Variants in DMD observed in about 807,000 individuals in gnomAD.
DMD encodes mutant dystrophin.
Under a neutral mutation model 330.1 loss-of-function variants are expected in DMD, and 63 were observed. The observed-to-expected ratio is 0.19, with a 90% CI of 0.16 to 0.24. DMD has a LOEUF of 0.24. Among genes scored for constraint, DMD ranks in the 10% least tolerant of loss-of-function variants. The probability of loss-of-function intolerance (pLI) is 1.00; values close to 1 mark genes in which losing one functional copy is unlikely to be tolerated. For synonymous variants in DMD, 1,223 were observed against 959.8 expected (o/e 1.27, Z -5.07); for missense variants, 3,344 against 2,684.1 (o/e 1.25, Z -5.43).
chrX:31,995,997 G>A (rs2095583098), intron 44 of DMD, among the ~76,000 whole-genome samples: 2 of 112,002 alleles, frequency 1.8e-5, no homozygotes, highest in South Asian at 7.3e-4. Context: ...CTGAGAAATA[G>A]AGAAATACAT....
intron 74 of DMD, among the ~76,000 whole-genome samples, chrX:31,155,222 T>G (rs1276410288): frequency 8.9e-6 from 1 of 112,485 alleles, no homozygotes; most frequent in Non-Finnish European, 1.9e-5. Flanking sequence ...TACAACAATC[T>G]CTGTGTAATT....
intron 11 of DMD, among the ~76,000 whole-genome samples, chrX:32,620,340 A>G (rs1284281912): frequency 9.0e-6 from 1 of 111,711 alleles, no homozygotes; most frequent in Non-Finnish European, 1.9e-5. Flanking sequence ...ATAAAATATA[A>G]AAGATAATGG....
chrX:32,550,765 A>C (rs931445863), intron 16 of DMD, among the ~76,000 whole-genome samples: 2 of 110,523 alleles, frequency 1.8e-5, no homozygotes, highest in African/African-American at 6.6e-5. Flanking sequence ...AAGAGAGAAG[A>C]CTCAAATAAA....
intron 25 of DMD, among the ~76,000 whole-genome samples, chrX:32,458,499 G>T (rs1237955728): frequency 9.0e-6 from 1 of 111,002 alleles, no homozygotes; most frequent in African/African-American, 3.3e-5. Flanking sequence ...ATTTCCTTTG[G>T]ATATATATCC....
At chrX:32,577,655 C>T (rs745334895) in intron 13 of DMD, among the ~76,000 whole-genome samples, 1 of 112,229 alleles carries the variant, frequency 8.9e-6, no homozygotes, top group African/African-American at 3.2e-5. Flanking sequence ...TAAATCTTTA[C>T]GAATAAATGT....
chrX:32,174,944 T>C (rs1475238941), intron 44 of DMD, among the ~76,000 whole-genome samples: 3 of 111,663 alleles, frequency 2.7e-5, no homozygotes, highest in East Asian at 2.8e-4. Context: ...AGAGCCTCTT[T>C]TGAAACTTTG....
chrX:32,612,579 G>A (rs1360288688), intron 12 of DMD, among the ~76,000 whole-genome samples: 1 of 111,452 alleles, frequency 9.0e-6, no homozygotes, highest in African/African-American at 3.3e-5. Context: ...GACACTTTCT[G>A]CATGTAACTT....
At position 32,879,519 on chromosome X, in the gene DMD, GTTA is replaced by G. The variant is rs750905589; in HGVS notation, c.94-29702_94-29700del. ...TTAATATTTGTCTTTTTTAATACCA[GTTA>G]TTGACAAGTGATCGTCGTTCATTCA... On this transcript the variant is annotated intron_variant, in intron 2 of 78. Coordinates refer to ENST00000357033, the MANE Select transcript of DMD (RefSeq NM_004006.3). Among the ~76,000 whole-genome samples the G allele has an allele frequency of 3.6e-5, 4 of 112,245 alleles. No homozygotes were observed. In the South Asian group the frequency reaches 1.1e-3, roughly 31 times the overall value.
At chrX:32,756,113 C>A (rs1358184651) in intron 7 of DMD, 11 of 112,298 alleles carry the variant, frequency 9.8e-5, no homozygotes, top group Non-Finnish European at 1.9e-4. Context: ...ATCTTAGTAA[C>A]ATTTTCATAT....
At chrX:32,716,978 A>G (rs758216110) in intron 7 of DMD, among the ~76,000 whole-genome samples, 3 of 111,592 alleles carry the variant, frequency 2.7e-5, no homozygotes, top group Admixed American at 9.5e-5. Flanking sequence ...GTATACGGTC[A>G]TATGTATGAG....
chrX:31,841,256 C>A, intron 48 of DMD, among the ~76,000 whole-genome samples: 1 of 111,734 alleles, frequency 8.9e-6, no homozygotes, highest in African/African-American at 3.3e-5. Context: ...AGGCCCAATT[C>A]TGTTCAGTTG....
chrX:31,718,441 T>G (rs1257778309), intron 52 of DMD, among the ~76,000 whole-genome samples: 10 of 111,174 alleles, frequency 9.0e-5, no homozygotes, highest in Non-Finnish European at 5.7e-5. Context: ...ATGGACTGAA[T>G]GCTGGCATCC....
chrX:31,483,192 G>A (rs978865760), intron 57 of DMD, among the ~76,000 whole-genome samples: 15 of 107,914 alleles, frequency 1.4e-4, no homozygotes, highest in South Asian at 8.3e-4. Context: ...GACTACAGGC[G>A]CCCGCCACCA....
chrX:31,984,648 C>T (rs1474216597), intron 44 of DMD, among the ~76,000 whole-genome samples: 1 of 112,285 alleles, frequency 8.9e-6, no homozygotes, highest in East Asian at 2.8e-4. Flanking sequence ...ATTTCACATG[C>T]ACTTGCTTGC....
chrX:32,962,497 G>A (rs1762579010), intron 2 of DMD, among the ~76,000 whole-genome samples: 1 of 111,195 alleles, frequency 9.0e-6, no homozygotes, highest in South Asian at 3.8e-4. Context: ...TATTACTCAG[G>A]TTTGAGTAGC....
intron 37 of DMD, among the ~76,000 whole-genome samples, chrX:32,361,935 A>C (rs889387990): frequency 9.0e-6 from 1 of 111,246 alleles, no homozygotes; most frequent in Non-Finnish European, 1.9e-5. Context: ...AATTTATCAA[A>C]CTACAGTATA....
chrX:33,159,201 C>T (rs754882023), intron 1 of DMD: 20 of 111,873 alleles, frequency 1.8e-4, no homozygotes, highest in Admixed American at 1.5e-3. Flanking sequence ...TTCATAGACA[C>T]GGGCTTAGTG....
At chrX:32,361,759 A>G (rs991779452) in intron 37 of DMD, among the ~76,000 whole-genome samples, 1 of 111,221 alleles carries the variant, frequency 9.0e-6, no homozygotes, top group Non-Finnish European at 1.9e-5. Context: ...AAAATGTTCT[A>G]TTTTTCCAGG....
At chrX:31,689,186 T>A (rs1267299097) in intron 52 of DMD, among the ~76,000 whole-genome samples, 2 of 111,869 alleles carry the variant, frequency 1.8e-5, no homozygotes, top group Non-Finnish European at 3.8e-5. Flanking sequence ...ATTGTCCCTG[T>A]TTGCAGACGA....
Sources: gnomAD v4.1 joint callset for allele counts (sites outside exome capture counted in the v4.1 genomes callset) on GRCh38, gnomAD v4.1.1 for gene constraint, MANE v1.5 for transcripts, NCBI Gene and HGNC (gene_info 2026-07-23, HGNC 2026-07-21) for gene names.